Variants in BRCA2 observed in about 807,000 individuals in gnomAD.
BRCA2 encodes breast cancer type 2 susceptibility protein.
In BRCA2, 203 loss-of-function variants were observed where a neutral mutation model predicts 276.7. The ratio of observed to expected loss-of-function variants is 0.73; its 90% CI spans 0.65 to 0.82. The LOEUF is 0.82. Ranked by LOEUF, BRCA2 falls within the 40% of genes least tolerant of loss-of-function variation. The pLI is 0.00. For synonymous variants in BRCA2, 1,289 were observed against 1,338.4 expected, an observed-to-expected ratio of 0.96 and a Z score of 0.81; for missense variants, 3,920 against 3,915.0, an observed-to-expected ratio of 1.00 and a Z score of -0.03.
chr13:32,336,059 T>A (rs1241972136), intron 10 of BRCA2, among the ~76,000 whole-genome samples: 2 of 151,868 alleles, frequency 1.3e-5, no homozygotes, highest in Admixed American at 1.3e-4. Context: ...TTTTTATTTT[T>A]CATAGAGTCA....
chr13:32,391,645 A>G (rs1054340999), intron 24 of BRCA2, among the ~76,000 whole-genome samples: 1 of 152,220 alleles, frequency 6.6e-6, no homozygotes, highest in African/African-American at 2.4e-5. Flanking sequence ...TTTCAGTGAC[A>G]TTTTCTAAAA....
intron 2 of BRCA2, 109 bp from the exon 3 acceptor site, chr13:32,318,968 T>A (rs533970381): frequency 1.4e-6 from 2 of 1,409,534 alleles, no homozygotes; most frequent in Admixed American, 2.2e-5. Flanking sequence ...ACAAAAGTAA[T>A]CCATAGTCAA....
chr13:32,332,435 T>C lies in BRCA2; in HGVS notation c.957T>C (p.Asn319=), dbSNP rs776059220. 1 of 1,589,726 alleles carries C rather than the reference T, an allele frequency of 6.3e-7. No homozygotes were observed. Among genetic ancestry groups the C allele is most frequent in the Non-Finnish European group, 8.5e-7 (1 of 1,171,712 alleles). Residue 319 remains asparagine (N), a synonymous_variant, in exon 10 of 27, where the codon AAT becomes AAC. Transcript: ENST00000380152. ...SLCFSKCRTK[N]LQKVRTSKTR... is the part of the protein sequence containing the mutation. ...GTTTTTCTAAATGTAGAACAAAAAATCTACAAAAAGTAAGAACTAGCAAGA... is the reference window on the plus strand; with the variant it reads ...GTTTTTCTAAATGTAGAACAAAAAACCTACAAAAAGTAAGAACTAGCAAGA...
intron 3 of BRCA2, among the ~76,000 whole-genome samples, chr13:32,321,873 T>A (rs930289392): frequency 6.6e-6 from 1 of 152,238 alleles, no homozygotes; most frequent in Non-Finnish European, 1.5e-5. Flanking sequence ...ATTAATGAGA[T>A]CCTCAGGTTA....
Position 32,343,229 on chromosome 13 carries a change from G to C in BRCA2, c.6842-1329G>C, listed in dbSNP as rs547605783. Among the ~76,000 whole-genome samples the C allele has an allele frequency of 2.0e-5, 3 of 152,110 alleles. No homozygotes were observed. In the East Asian group the frequency reaches 5.8e-4, roughly 29 times the overall value. Reference sequence around the variant, plus strand: ...TTTTTGTGTGTGTTTTTTTCTATTAGTGTATCTGACTGGTAATAATCTTAA... The same window carrying C: ...TTTTTGTGTGTGTTTTTTTCTATTACTGTATCTGACTGGTAATAATCTTAA... On this transcript the variant is annotated intron_variant, in intron 11 of 26. Coordinates refer to ENST00000380152, the MANE Select transcript of BRCA2 (RefSeq NM_000059.4).
In BRCA2 at chr13:32,362,586, C is replaced by T. The variant is rs1301012168; in HGVS notation, c.7869C>T (p.His2623=). The change falls in exon 17 of 27, where the codon CAC becomes CAT. Residue 2623 remains histidine (H), a synonymous_variant. Coordinates refer to ENST00000380152, the MANE Select transcript of BRCA2 (RefSeq NM_000059.4). The part of the protein sequence containing the change: ...KLISRIWVYN[H]YRWIIWKLAA... ...TTTCTAGAATTTGGGTTTATAATCA[C>T]TATAGATGGATCATATGGAAACTGG... is the stretch of plus-strand genomic sequence containing the variant. 1 of 1,614,092 alleles carries T rather than the reference C, an allele frequency of 6.2e-7. No homozygotes were observed. The highest frequency in any genetic ancestry group is 1.1e-5 in the South Asian group (1 of 91,084).
At chr13:32,363,135 A>AAAGTTTAAG in intron 17 of BRCA2, 44 bp from the exon 18 acceptor site, 1 of 1,495,890 alleles carries the variant, frequency 6.7e-7, no homozygotes, top group East Asian at 2.3e-5. Flanking sequence ...GTGGAATTCT[A>AAAGTTTAAG]GAGTCACACT....
At chr13:32,368,028 T>TC (rs1247590297) in intron 18 of BRCA2, among the ~76,000 whole-genome samples, 1 of 68,428 alleles carries the variant, frequency 1.5e-5, no homozygotes, top group Non-Finnish European at 2.9e-5. Context: ...TTTTTTTTTT[T>TC]TTTTTTTTTG....
At position 32,331,151 on chromosome 13, in the gene BRCA2, C is replaced by T. The variant is rs11571637; in HGVS notation, c.793+121C>T. 16 of 701,356 alleles carry T rather than the reference C, an allele frequency of 2.3e-5. 1 individual carries two copies. In the Admixed American group the frequency reaches 2.6e-4, roughly 11 times the overall value. The allele number at this position is 701,356 out of a possible 1,614,324, so 43.4% of individuals were successfully genotyped here. A position where few individuals can be genotyped will look rare whatever the true frequency, so the allele number is the denominator to read the frequency against. Reference sequence around the variant, plus strand: ...TCGGTTTACCGCAACCTCTGCCTCCCGTGCTCAAGCGATCCTGCCTCAGCT... The same window carrying T: ...TCGGTTTACCGCAACCTCTGCCTCCTGTGCTCAAGCGATCCTGCCTCAGCT... On this transcript the variant is annotated intron_variant, in intron 9 of 26. Transcript: ENST00000380152.
chr13:32,328,875 AGTGT>A (rs397843915), intron 7 of BRCA2, among the ~76,000 whole-genome samples: 3 of 150,818 alleles, frequency 2.0e-5, no homozygotes, highest in Admixed American at 6.6e-5. Flanking sequence ...GCAGTCATAA[AGTGT>A]GTGTGTGTGT....
chr13:32,353,441 C>T (rs1336457936), intron 13 of BRCA2, among the ~76,000 whole-genome samples: 3 of 150,884 alleles, frequency 2.0e-5, no homozygotes, highest in Non-Finnish European at 4.4e-5. Flanking sequence ...AGAACTATTC[C>T]GTGGTGTGCC....
At position 32,319,090 on chromosome 13, in the gene BRCA2, A is replaced by C; in HGVS notation, c.81A>C (p.Ile27=). The change falls in exon 3 of 27, where the codon ATA becomes ATC. Residue 27 remains isoleucine, a synonymous_variant. Transcript: ENST00000380152. Reference sequence around the variant, plus strand: ...TTTTTTAAATAGATTTAGGACCAATAAGTCTTAATTGGTTTGAAGAACTTT... The same window carrying C: ...TTTTTTAAATAGATTTAGGACCAATCAGTCTTAATTGGTTTGAAGAACTTT... ...TRCNKADLGP[I]SLNWFEELSS... is the part of the protein sequence containing the mutation. 1 of 1,611,720 alleles carries C rather than the reference A, an allele frequency of 6.2e-7. No individual in the cohort carries two copies. The highest frequency in any genetic ancestry group is 1.7e-5 in the Admixed American group (1 of 59,996).
chr13:32,362,487 G>C, intron 16 of BRCA2, 36 bp from the exon 17 acceptor site: 1 of 1,576,784 alleles, frequency 6.3e-7, no homozygotes, highest in East Asian at 2.2e-5. Context: ...CATCCTATGT[G>C]GTTTTTATGA....
rs80358916 is a variant in BRCA2, at chr13:32,344,651, A to T, written c.6935A>T (p.Asp2312Val). The T allele has an allele frequency of 1.4e-4, 220 of 1,558,374 alleles. 4 individuals are homozygous for T. In the South Asian group the frequency reaches 2.0e-3, roughly 14 times the overall value. ...TTAAAGGCTTCAAAAAGCACTCCAG[A>T]TGGTAAAATTAGCTTTTTATTTATA... ...KSLKASKSTP[D>V]GTIKDRRLFM... Residue 2312 changes from aspartate (D) to valine (V), a missense_variant and splice_region_variant, in exon 12 of 27, where the codon GAT becomes GTT. Coordinates refer to ENST00000380152, the MANE Select transcript of BRCA2 (RefSeq NM_000059.4).
Position 32,338,765 on chromosome 13 carries a change from A to C in BRCA2, c.4410A>C (p.Ile1470=), listed in dbSNP as rs747516635. 6.2e-6 allele frequency: 10 copies of C among 1,610,150 alleles called. No homozygotes were observed. In the African/African-American group the frequency reaches 1.2e-4, roughly 19 times the overall value. Residue 1470 remains isoleucine, a synonymous_variant, in exon 11 of 27, where the codon ATA becomes ATC. Coordinates refer to ENST00000380152, the MANE Select transcript of BRCA2 (RefSeq NM_000059.4). ...TAAATTCTGAATTACATTCTGACAT[A>C]AGAAAGAACAAAATGGACATTCTAA... The part of the protein sequence containing the change: ...FSLNSELHSD[I]RKNKMDILSY...
In BRCA2 at chr13:32,355,013, C is replaced by T. The variant is rs587778126; in HGVS notation, c.7160C>T (p.Ala2387Val). ...GGACATCCATTTTATCAAGTTTCTG[C>T]TACAAGAAATGAAAAAATGAGACAC... ...VSGHPFYQVS[A>V]TRNEKMRHLI... The change falls in exon 14 of 27, where the codon GCT (alanine) becomes GTT (valine). Residue 2387 changes from alanine (A) to valine (V), a missense_variant. Coordinates refer to ENST00000380152, the MANE Select transcript of BRCA2 (RefSeq NM_000059.4). 3 of 1,613,694 alleles carry T rather than the reference C, an allele frequency of 1.9e-6. No individual in the cohort carries two copies. The highest frequency in any genetic ancestry group is 2.5e-6 in the Non-Finnish European group (3 of 1,179,846).
chr13:32,339,909 G>C lies in BRCA2; in HGVS notation c.5554G>C (p.Val1852Leu), dbSNP rs80358777. ...ATTTAGGATAGCCAGTGGTAAAATC[G>C]TTTGTGTTTCACATGAAACAATTAA... Reference protein sequence around the residue: ...PAFRIASGKIVCVSHETIKKV... With the variant: ...PAFRIASGKILCVSHETIKKV... The change falls in exon 11 of 27, where the codon GTT (valine) becomes CTT (leucine). Residue 1852 changes from valine (V) to leucine (L), a missense_variant. By Grantham distance (32) the Val-to-Leu change is conservative (BLOSUM62 1). Around this residue, in one of 2 missense-constraint regions of BRCA2, gnomAD observed 3,263 missense variants for 3,156.9 expected, o/e 1.03. Transcript: ENST00000380152. 1 of 1,608,564 alleles carries C rather than the reference G, an allele frequency of 6.2e-7. No individual in the cohort carries two copies. Among genetic ancestry groups the C allele is most frequent in the South Asian group, 1.1e-5 (1 of 90,278 alleles).
At chr13:32,332,174 C>A in intron 9 of BRCA2, 98 bp from the exon 10 acceptor site, 2 of 1,198,318 alleles carry the variant, frequency 1.7e-6, no homozygotes, top group South Asian at 1.6e-5. Context: ...ATATTTAGCA[C>A]ATTCTACATA....
chr13:32,317,050 T>C (rs1282224783), intron 2 of BRCA2, among the ~76,000 whole-genome samples: 2 of 152,074 alleles, frequency 1.3e-5, no homozygotes, highest in East Asian at 3.9e-4. Context: ...ATACAAAAAA[T>C]GTGCTGCGTG....
Sources: allele counts gnomAD v4.1 joint callset (sites outside exome capture counted in the v4.1 genomes callset), GRCh38; gene constraint gnomAD v4.1.1; regional missense constraint gnomAD v4.1.1; transcripts MANE v1.5; gene names NCBI Gene and HGNC (gene_info 2026-07-23, HGNC 2026-07-21).